Variants in SPATS2L observed in about 807,000 individuals in gnomAD.
SPATS2L encodes SPATS2-like protein.
A neutral mutation model predicts 59.6 loss-of-function variants in SPATS2L; 30 were observed. That is an observed-to-expected ratio of 0.50 (90% CI 0.38 to 0.68). SPATS2L has a LOEUF of 0.68. SPATS2L is among the 30% of genes least tolerant of loss of function. SPATS2L has a pLI of 0.00. For synonymous variants in SPATS2L, 252 were observed against 263.5 expected, an observed-to-expected ratio of 0.96 and a Z score of 0.42; for missense variants, 615 against 700.0, an observed-to-expected ratio of 0.88 and a Z score of 1.37.
intron 2 of SPATS2L, among the ~76,000 whole-genome samples, chr2:200,355,752 T>C (rs552174018): frequency 6.6e-6 from 1 of 152,230 alleles, no homozygotes; most frequent in Non-Finnish European, 1.5e-5. Context: ...GCAAACACAT[T>C]TGCAGGTAAT....
Position 200,405,687 on chromosome 2 carries a change from T to G in SPATS2L, c.40-6624T>G, listed in dbSNP as rs575790836. Among the ~76,000 whole-genome samples, 4 of 152,242 alleles carry G rather than the reference T, an allele frequency of 2.6e-5. No individual in the cohort carries two copies. In the South Asian group the frequency reaches 8.3e-4, roughly 32 times the overall value. ...AAGGCATCTCTGAATGGCTCAGCAT[T>G]TGAGAAATGTGACCAAAGCTGATTA... is the stretch of plus-strand genomic sequence containing the variant. On this transcript the variant is annotated intron_variant, in intron 3 of 12. Coordinates refer to ENST00000409140, the MANE Select transcript of SPATS2L (RefSeq NM_001100423.2).
At position 200,440,768 on chromosome 2, in the gene SPATS2L, G is replaced by C. The variant is rs1284640208; in HGVS notation, c.772G>C (p.Ala258Pro). 2 of 1,613,426 alleles carry C rather than the reference G, an allele frequency of 1.2e-6. No individual in the cohort carries two copies. Among genetic ancestry groups the C allele is most frequent in the South Asian group, 1.1e-5 (1 of 91,056 alleles). The stretch of plus-strand genomic sequence containing the variant: ...CGTGAAGAAGATCAAAGCTGCCTTT[G>C]CTGAATTACACAACTGGTGAGTGAT... ...SSVKKIKAAF[A>P]ELHNCIIDKE... The change falls in exon 8 of 13, where the codon GCT (alanine) becomes CCT (proline). Residue 258 changes from alanine to proline, a missense_variant. Ala to Pro is a conservative substitution (Grantham distance 27). Transcript: ENST00000409140.
At chr2:200,366,134 C>G (rs71424255) in intron 2 of SPATS2L, among the ~76,000 whole-genome samples, 37,429 of 152,112 alleles carry the variant, frequency 0.25, 5,787 homozygotes, top group South Asian at 0.36. Flanking sequence ...TATTGGGATT[C>G]TAATGCAACT....
At chr2:200,355,561 C>G (rs748991820) in intron 2 of SPATS2L, among the ~76,000 whole-genome samples, 1 of 152,194 alleles carries the variant, frequency 6.6e-6, no homozygotes, top group Non-Finnish European at 1.5e-5. Flanking sequence ...TTTCCACACA[C>G]GATTGTTCTT....
At chr2:200,338,370 T>C (rs972367803) in intron 2 of SPATS2L, among the ~76,000 whole-genome samples, 2 of 152,118 alleles carry the variant, frequency 1.3e-5, no homozygotes, top group Non-Finnish European at 2.9e-5. Flanking sequence ...TTTAGTAGAT[T>C]GAGATCTTCT....
chr2:200,379,392 GGTATACGGTAAGAGTTCAGTAAGT>G (rs1419719760), intron 2 of SPATS2L, among the ~76,000 whole-genome samples: 1 of 152,242 alleles, frequency 6.6e-6, no homozygotes, highest in East Asian at 1.9e-4. Context: ...AGCATTGCTG[GGTATACGGTAAGAGTTCAGTAAGT>G]GTAGCTTTAA....
At chr2:200,410,086 CTA>C (rs1195743358) in intron 3 of SPATS2L, among the ~76,000 whole-genome samples, 2 of 151,708 alleles carry the variant, frequency 1.3e-5, no homozygotes, top group Non-Finnish European at 2.9e-5. Flanking sequence ...TCTAATATAA[CTA>C]TAATGTACTT....
intron 4 of SPATS2L, among the ~76,000 whole-genome samples, chr2:200,413,065 A>T: frequency 6.6e-6 from 1 of 152,272 alleles, no homozygotes; most frequent in South Asian, 2.1e-4. Context: ...CAATAGATAA[A>T]TAAATAAATG....
chr2:200,476,790 T>C lies in SPATS2L; in HGVS notation c.1282-846T>C, dbSNP rs571788170. On this transcript the variant is annotated intron_variant, in intron 12 of 12. Coordinates refer to ENST00000409140, the MANE Select transcript of SPATS2L (RefSeq NM_001100423.2). ...CTTTTTCATGAAGGCAGAGGGTCAA[T>C]GTGACACTTTTCTGTATCCTGAGCT... Among the ~76,000 whole-genome samples the C allele has an allele frequency of 3.3e-5, 5 of 152,356 alleles. No individual in the cohort carries two copies. In the East Asian group the frequency reaches 9.7e-4, roughly 29 times the overall value.
In SPATS2L at chr2:200,469,925, C is replaced by G. The variant is rs181690993; in HGVS notation, c.969C>G (p.Ser323Arg). 6.2e-7 allele frequency: 1 copy of G among 1,609,042 alleles called. No individual in the cohort carries two copies. The change falls in exon 11 of 13, where the codon AGC becomes AGG. Residue 323 changes from serine to arginine, a missense_variant. Around this residue, in one of 3 missense-constraint regions of SPATS2L, gnomAD observed 104 missense variants for 162.5 expected, o/e 0.64. Coordinates refer to ENST00000409140, the MANE Select transcript of SPATS2L (RefSeq NM_001100423.2). Reference protein sequence around the residue: ...ELRAEIKHFVSERKYDEELGK... With the variant: ...ELRAEIKHFVRERKYDEELGK... Reference sequence around the variant, plus strand: ...TCTCTTTCCTCCAGCACTTTGTCAGCGAGCGTAAATATGACGAGGAGCTCG... The same window carrying G: ...TCTCTTTCCTCCAGCACTTTGTCAGGGAGCGTAAATATGACGAGGAGCTCG...
At chr2:200,330,791 G>T (rs2079915080) in intron 2 of SPATS2L, among the ~76,000 whole-genome samples, 1 of 152,220 alleles carries the variant, frequency 6.6e-6, no homozygotes, top group Non-Finnish European at 1.5e-5. Flanking sequence ...AGAATGAGAT[G>T]CCTCCAGCTG....
intron 1 of SPATS2L, among the ~76,000 whole-genome samples, chr2:200,309,492 TTGAC>T: frequency 2.0e-5 from 3 of 152,336 alleles, no homozygotes; most frequent in Middle Eastern, 3.4e-3. Flanking sequence ...TTACTGTCAT[TTGAC>T]TGTGATAATT....
Position 200,306,762 on chromosome 2 carries a change from C to T in SPATS2L, c.-233C>T. 1.0e-6 allele frequency: 1 copy of T among 982,482 alleles called. No homozygotes were observed. Among genetic ancestry groups the T allele is most frequent in the Non-Finnish European group, 1.2e-6 (1 of 828,610 alleles). The allele number at this position is 982,482 out of a possible 1,614,324, so 60.9% of individuals were successfully genotyped here. ...CGCCCTCCGCTGCAAGCGCCGGCAG[C>T]GCGGGGCGAGCTCCGGACGGCGCGC... On this transcript the variant is annotated 5_prime_UTR_variant, in exon 1 of 13. Transcript: ENST00000409140.
At chr2:200,473,098 A>AC (rs1559166739) in intron 12 of SPATS2L, 46 bp downstream of exon 12, 2 of 1,453,394 alleles carry the variant, frequency 1.4e-6, no homozygotes, top group African/African-American at 2.9e-5. Flanking sequence ...AAAAAAAAAA[A>AC]CCTGTTTCCA....
chr2:200,468,944 A>G lies in SPATS2L; in HGVS notation c.958-970A>G, dbSNP rs528931568. Among the ~76,000 whole-genome samples, 150 of 152,352 alleles carry G rather than the reference A, an allele frequency of 9.8e-4. 2 individuals are homozygous for G. The South Asian group carries it at 0.03, about 31-fold the overall frequency. ...TCTGCCTATCAAAACGCCACCCATC[A>G]TAAAATAGTTAGTAGCACAGGCTTT... On this transcript the variant is annotated intron_variant, in intron 10 of 12. Transcript: ENST00000409140.
At chr2:200,447,293 C>A (rs925445553) in intron 8 of SPATS2L, among the ~76,000 whole-genome samples, 2 of 152,174 alleles carry the variant, frequency 1.3e-5, no homozygotes, top group Non-Finnish European at 2.9e-5. Flanking sequence ...TGGCATATAT[C>A]CAACTACTCT....
At position 200,334,979 on chromosome 2, in the gene SPATS2L, T is replaced by A. The variant is rs1045826417; in HGVS notation, c.-23+5499T>A. On this transcript the variant is annotated intron_variant, in intron 2 of 12. Transcript: ENST00000409140. ...CCAGCTTTGTTCTTTTGGCTTAGGA[T>A]TGACTTGGCGATGCAGGCTCTTTTT... is the stretch of plus-strand genomic sequence containing the variant. 3.3e-5 allele frequency among the ~76,000 whole-genome samples: 5 copies of A among 152,206 alleles called. No homozygotes were observed. The East Asian group carries it at 9.6e-4, about 29-fold the overall frequency.
At chr2:200,447,922 G>T (rs1475298878) in intron 8 of SPATS2L, among the ~76,000 whole-genome samples, 1 of 152,202 alleles carries the variant, frequency 6.6e-6, no homozygotes, top group Non-Finnish European at 1.5e-5. Flanking sequence ...TAAACAAGTA[G>T]TGAAGACAAA....
intron 6 of SPATS2L, among the ~76,000 whole-genome samples, chr2:200,435,565 A>T (rs2084227992): frequency 6.6e-6 from 1 of 152,170 alleles, no homozygotes; most frequent in South Asian, 2.1e-4. Flanking sequence ...AGTAACACTG[A>T]TTCATTCATT....
Sources: allele counts gnomAD v4.1 joint callset (sites outside exome capture counted in the v4.1 genomes callset), GRCh38; gene constraint gnomAD v4.1.1; regional missense constraint gnomAD v4.1.1; transcripts MANE v1.5; gene names NCBI Gene and HGNC (gene_info 2026-07-23, HGNC 2026-07-21).